Variants in KAZN observed in about 807,000 individuals in gnomAD.
KAZN encodes kazrin.
A neutral mutation model predicts 87.4 loss-of-function variants in KAZN; 40 were observed. That is an observed-to-expected ratio of 0.46 (90% CI 0.36 to 0.60). The LOEUF (loss-of-function observed/expected upper bound fraction) is 0.60, where lower values mean the gene tolerates loss of function less well. KAZN is among the 20% of genes least tolerant of loss of function. The pLI, the probability that KAZN is intolerant of heterozygous loss-of-function variation, is 0.00. For missense variants in KAZN, 898 were observed against 1,073.9 expected (o/e 0.84, Z 2.29); for synonymous variants, 466 against 458.3 (o/e 1.02, Z -0.22).
intron 8 of KAZN, among the ~76,000 whole-genome samples, chr1:15,085,368 C>G (rs1420977172): frequency 6.6e-6 from 1 of 152,168 alleles, no homozygotes; most frequent in Non-Finnish European, 1.5e-5. Context: ...CACTCTGTCA[C>G]CCAGGCTAGA....
chr1:14,224,264 C>T (rs557806753), intron 2 of KAZN, among the ~76,000 whole-genome samples: 2 of 152,178 alleles, frequency 1.3e-5, no homozygotes, highest in South Asian at 4.1e-4. Flanking sequence ...AAATGAAAGC[C>T]TGGAACCAGT....
At chr1:14,402,534 A>G (rs977138194) in intron 2 of KAZN, among the ~76,000 whole-genome samples, 6 of 152,184 alleles carry the variant, frequency 3.9e-5, no homozygotes, top group Non-Finnish European at 5.9e-5. Flanking sequence ...CTGAATATCT[A>G]AATGTCATAA....
chr1:14,970,949 T>C (rs534525228), intron 2 of KAZN, among the ~76,000 whole-genome samples: 145 of 152,332 alleles, frequency 9.5e-4, no homozygotes, highest in African/African-American at 3.3e-3. Flanking sequence ...GGAGTGATAA[T>C]CATTTCGGCT....
At chr1:14,559,357 G>A (rs570688703) in intron 2 of KAZN, among the ~76,000 whole-genome samples, 1 of 152,316 alleles carries the variant, frequency 6.6e-6, no homozygotes, top group South Asian at 2.1e-4. Context: ...CCTAGTTGGA[G>A]AGGAGTTAAT....
chr1:14,776,939 A>G (rs1232516120), intron 1 of KAZN, among the ~76,000 whole-genome samples: 8 of 148,354 alleles, frequency 5.4e-5, no homozygotes, highest in Non-Finnish European at 9.0e-5. Flanking sequence ...GTCTCAAAAA[A>G]AAAAAAAAAA....
chr1:13,919,741 T>C (rs11580035), intron 1 of KAZN, among the ~76,000 whole-genome samples: 13,696 of 152,298 alleles, frequency 0.09, 824 homozygotes, highest in South Asian at 0.2. Flanking sequence ...TTGGGGCATA[T>C]GGATGGTGGA....
intron 2 of KAZN, among the ~76,000 whole-genome samples, chr1:14,254,204 G>T (rs888462271): frequency 1.3e-5 from 2 of 152,008 alleles, no homozygotes; most frequent in Non-Finnish European, 2.9e-5. Flanking sequence ...TTTTCTTTTG[G>T]CTGGATAAGG....
intron 2 of KAZN, among the ~76,000 whole-genome samples, chr1:14,554,834 A>G (rs1673761537): frequency 6.6e-6 from 1 of 152,210 alleles, no homozygotes; most frequent in Non-Finnish European, 1.5e-5. Context: ...ACAGATCGTT[A>G]TTACCAATCA....
intron 1 of KAZN, among the ~76,000 whole-genome samples, chr1:14,757,842 G>C (rs943886710): frequency 2.6e-5 from 4 of 152,114 alleles, no homozygotes; most frequent in Admixed American, 6.6e-5. Flanking sequence ...CAGTCTAATT[G>C]TTTATAGAAC....
chr1:14,232,406 G>T (rs941734527), intron 2 of KAZN, among the ~76,000 whole-genome samples: 20 of 152,150 alleles, frequency 1.3e-4, no homozygotes, highest in African/African-American at 4.6e-4. Context: ...GCATGTAGAA[G>T]TTCCAGCCCC....
intron 1 of KAZN, among the ~76,000 whole-genome samples, chr1:14,631,197 T>A (rs1486138913): frequency 6.6e-6 from 1 of 152,150 alleles, no homozygotes; most frequent in Non-Finnish European, 1.5e-5. Flanking sequence ...TACTAGGAAG[T>A]GACCCCCTCT....
At chr1:14,937,610 C>T (rs1660602003) in intron 1 of KAZN, among the ~76,000 whole-genome samples, 1 of 152,232 alleles carries the variant, frequency 6.6e-6, no homozygotes, top group South Asian at 2.1e-4. Flanking sequence ...CTCCTTCCCA[C>T]CCCAGTGTGC....
intron 2 of KAZN, among the ~76,000 whole-genome samples, chr1:14,563,736 A>G (rs1016748494): frequency 2.0e-5 from 3 of 151,886 alleles, no homozygotes; most frequent in African/African-American, 7.3e-5. Flanking sequence ...CCACAGTTCA[A>G]CTGCATCACT....
chr1:15,029,145 T>C (rs188817057), intron 2 of KAZN, among the ~76,000 whole-genome samples: 1 of 152,202 alleles, frequency 6.6e-6, no homozygotes, highest in Non-Finnish European at 1.5e-5. Flanking sequence ...CTTGGGAAAT[T>C]GAACATTTTA....
chr1:14,435,168 G>T (rs1234966229), intron 2 of KAZN, among the ~76,000 whole-genome samples: 1 of 152,130 alleles, frequency 6.6e-6, no homozygotes, highest in Non-Finnish European at 1.5e-5. Flanking sequence ...GGTCTTCAGA[G>T]CTCTGATCCA....
chr1:14,980,615 C>T (rs903928160), intron 2 of KAZN, among the ~76,000 whole-genome samples: 4 of 152,170 alleles, frequency 2.6e-5, no homozygotes, highest in South Asian at 2.1e-4. Flanking sequence ...AGTCCAAGAC[C>T]GTCTGCCTGT....
At position 14,365,156 on chromosome 1, in the gene KAZN, G is replaced by A. The variant is rs527736458; in HGVS notation, c.249+184564G>A. Among the ~76,000 whole-genome samples, 18 of 151,636 alleles carry A rather than the reference G, an allele frequency of 1.2e-4. 1 individual carries two copies. In the East Asian group the frequency reaches 1.4e-3, roughly 12 times the overall value. On this transcript the variant is annotated intron_variant, in intron 2 of 16. Coordinates refer to the KAZN transcript ENST00000636203. ...CCTCCCGGGTTCAAGCCATTCTCCC[G>A]CCTCAGCCTCCCGAGTAGCTGGTAC...
chr1:15,080,962 C>T (rs1382018185), intron 8 of KAZN, among the ~76,000 whole-genome samples: 1 of 152,268 alleles, frequency 6.6e-6, no homozygotes. Context: ...ACAAAGAAAT[C>T]TGGCCCCAAA....
At chr1:14,367,755 CG>C (rs796795675) in intron 2 of KAZN, among the ~76,000 whole-genome samples, 1 of 152,214 alleles carries the variant, frequency 6.6e-6, no homozygotes, top group African/African-American at 2.4e-5. Context: ...AGCGGTGTTG[CG>C]TGATTTGATG....
Sources: allele counts gnomAD v4.1 joint callset (sites outside exome capture counted in the v4.1 genomes callset), GRCh38; gene constraint gnomAD v4.1.1; transcripts MANE v1.5; gene names NCBI Gene and HGNC (gene_info 2026-07-23, HGNC 2026-07-21).